Variants in BCOR observed in about 807,000 individuals in gnomAD.
The protein encoded by BCOR is BCL-6 corepressor.
BCOR carries 10 observed loss-of-function variants against 86.7 expected under a neutral mutation model. The observed-to-expected ratio is 0.12, with a 90% CI of 0.07 to 0.20. The LOEUF (loss-of-function observed/expected upper bound fraction) is 0.20. BCOR is among the 10% of genes least tolerant of loss of function. The probability of loss-of-function intolerance (pLI) is 1.00; values close to 1 mark genes in which losing one functional copy is unlikely to be tolerated. For synonymous variants in BCOR, 611 were observed against 609.0 expected (o/e 1.00, Z -0.05); for missense variants, 1,259 against 1,452.1 (o/e 0.87, Z 2.16).
intron 1 of BCOR, among the ~76,000 whole-genome samples, chrX:40,129,768 G>A (rs1045457766): frequency 1.8e-5 from 2 of 110,748 alleles, no homozygotes; most frequent in Non-Finnish European, 3.8e-5. Flanking sequence ...TGCCGGGTGC[G>A]GTGGCTCACG....
intron 1 of BCOR, among the ~76,000 whole-genome samples, chrX:40,088,002 T>C (rs1166993879): frequency 8.9e-6 from 1 of 112,370 alleles, no homozygotes; most frequent in East Asian, 2.8e-4. Flanking sequence ...TATTTCAAGT[T>C]TGCATTTGTA....
chrX:40,053,687 G>A (rs1208109713), intron 14 of BCOR, among the ~76,000 whole-genome samples, 199 bp downstream of exon 14: 1 of 111,367 alleles, frequency 9.0e-6, no homozygotes, highest in African/African-American at 3.3e-5. Context: ...ACCATGCTGT[G>A]CCCCACCCCC....
chrX:40,057,036 T>C, intron 11 of BCOR, 119 bp downstream of exon 11: 1 of 832,781 alleles, frequency 1.2e-6, no homozygotes, highest in Admixed American at 2.6e-5. Flanking sequence ...GTCAGTGTGC[T>C]TACAGTCACC....
In BCOR at chrX:40,072,844, G is replaced by T; in HGVS notation, c.2502C>A (p.Ser834Arg). 2.5e-6 allele frequency: 3 copies of T among 1,211,792 alleles called. No homozygotes were observed. The highest frequency in any genetic ancestry group is 3.4e-6 in the Non-Finnish European group (3 of 895,523). ...CAACTGAGGGCTTGGGGGGCTCAGC[G>T]CTCTGGCCAACACTCTCTGCTGCAA... ...PSFAAESVGQ[S>R]AEPPKPSVEP... The change falls in exon 4 of 15, where the codon AGC becomes AGA. Residue 834 changes from serine (S) to arginine (R), a missense_variant. By Grantham distance (110) the Ser-to-Arg change is moderately radical. This residue lies in a region of BCOR where 534 missense variants were observed against 594.8 expected (regional missense o/e 0.90). Coordinates refer to ENST00000378444, the MANE Select transcript of BCOR (RefSeq NM_001123385.2).
intron 1 of BCOR, among the ~76,000 whole-genome samples, chrX:40,118,864 G>A (rs1281926072): frequency 2.7e-5 from 3 of 111,996 alleles, no homozygotes; most frequent in Admixed American, 1.9e-4. Context: ...ACGGAGGCTC[G>A]CTCTGTTGCC....
intron 1 of BCOR, among the ~76,000 whole-genome samples, chrX:40,139,899 G>T (rs1339977411): frequency 1.8e-5 from 2 of 109,728 alleles, no homozygotes; most frequent in Non-Finnish European, 3.8e-5. Flanking sequence ...GAGGCAAACT[G>T]AGTGACTGAG....
In BCOR at chrX:40,063,842, G is replaced by T; in HGVS notation, c.3613C>A (p.Pro1205Thr). Residue 1205 changes from proline to threonine, a missense_variant, in exon 8 of 15, where the codon CCT becomes ACT. Transcript: ENST00000378444. ...TGCAGCAAGTGGCGTTGTTTTTTAG[G>T]ATGGAGCCCTGTTAATTCAATGCAC... Reference protein sequence around the residue: ...KVCIELTGLHPKKQRHLLHLR... With the variant: ...KVCIELTGLHTKKQRHLLHLR... The T allele has an allele frequency of 8.3e-7, 1 of 1,211,942 alleles. No individual in the cohort carries two copies. Among genetic ancestry groups the T allele is most frequent in the Non-Finnish European group, 1.1e-6 (1 of 895,490 alleles).
At chrX:40,144,286 TG>T (rs1211775570) in intron 1 of BCOR, among the ~76,000 whole-genome samples, 1 of 112,406 alleles carries the variant, frequency 8.9e-6, no homozygotes, top group Admixed American at 9.4e-5. Context: ...CATATGGTGA[TG>T]ATCAATCGAA....
At chrX:40,060,109 G>A (rs777519705) in intron 10 of BCOR, among the ~76,000 whole-genome samples, 29 of 112,182 alleles carry the variant, frequency 2.6e-4, no homozygotes, top group Admixed American at 2.4e-3. Context: ...CATTCATACC[G>A]TACCTTATCC....
intron 1 of BCOR, among the ~76,000 whole-genome samples, chrX:40,137,166 C>A (rs993733233): frequency 8.9e-6 from 1 of 112,501 alleles, no homozygotes; most frequent in African/African-American, 3.2e-5. Context: ...AATTATATGG[C>A]AGATACACCT....
At chrX:40,123,036 C>T (rs960315321) in intron 1 of BCOR, among the ~76,000 whole-genome samples, 3 of 111,365 alleles carry the variant, frequency 2.7e-5, no homozygotes, top group South Asian at 3.8e-4. Flanking sequence ...TGGGGCAGCT[C>T]GGAGGCCTGG....
intron 3 of BCOR, among the ~76,000 whole-genome samples, chrX:40,076,072 C>G (rs887176940): frequency 7.1e-5 from 8 of 112,446 alleles, no homozygotes; most frequent in African/African-American, 2.3e-4. Flanking sequence ...GTGGTTGTGT[C>G]TTTTGACTTC....
intron 1 of BCOR, among the ~76,000 whole-genome samples, chrX:40,140,576 C>T (rs774377614): frequency 5.1e-4 from 58 of 112,885 alleles, no homozygotes; most frequent in Admixed American, 1.5e-3. Context: ...GTTTTCAGCT[C>T]CATGGGGCTT....
At chrX:40,096,380 G>T (rs1251547476) in intron 1 of BCOR, among the ~76,000 whole-genome samples, 1 of 112,454 alleles carries the variant, frequency 8.9e-6, no homozygotes, top group Non-Finnish European at 1.9e-5. Flanking sequence ...TGAACATCGG[G>T]GAGGGAGAGG....
chrX:40,113,944 G>A (rs1260604190), intron 1 of BCOR, among the ~76,000 whole-genome samples: 2 of 110,323 alleles, frequency 1.8e-5, no homozygotes, highest in Non-Finnish European at 3.8e-5. Flanking sequence ...TTGGTCTCCT[G>A]AGTAGCTGGG....
intron 1 of BCOR, among the ~76,000 whole-genome samples, chrX:40,113,826 C>CTT (rs200993481): frequency 3.3e-5 from 3 of 91,813 alleles, no homozygotes; most frequent in African/African-American, 1.7e-4. Flanking sequence ...TTCTTTCTTT[C>CTT]TTTTTTTTTT....
chrX:40,149,925 C>T (rs994045491), intron 1 of BCOR, among the ~76,000 whole-genome samples: 1 of 112,440 alleles, frequency 8.9e-6, no homozygotes, highest in African/African-American at 3.2e-5. Context: ...GAACAGAAAT[C>T]CTCAGGCCGT....
chrX:40,170,898 T>C (rs1382182110), intron 1 of BCOR, among the ~76,000 whole-genome samples: 2 of 112,419 alleles, frequency 1.8e-5, no homozygotes, highest in Non-Finnish European at 3.8e-5. Context: ...CTGGTTTTTC[T>C]ACCTAAGAGA....
At chrX:40,153,843 G>A (rs1355661385) in intron 1 of BCOR, among the ~76,000 whole-genome samples, 1 of 112,047 alleles carries the variant, frequency 8.9e-6, no homozygotes, top group Non-Finnish European at 1.9e-5. Context: ...TCTGCGTTGG[G>A]GACTCGGAGC....
Sources: allele counts gnomAD v4.1 joint callset (sites outside exome capture counted in the v4.1 genomes callset), GRCh38; gene constraint gnomAD v4.1.1; regional missense constraint gnomAD v4.1.1; transcripts MANE v1.5; gene names NCBI Gene and HGNC (gene_info 2026-07-23, HGNC 2026-07-21).